The following ELFN2 variants were observed in gnomAD, a reference collection of about 807,000 sequenced individuals.
ELFN2 encodes the protein protein phosphatase 1 regulatory subunit 29.
Under a neutral mutation model 45.5 loss-of-function variants are expected in ELFN2, and 17 were observed. The observed-to-expected ratio is 0.37, with a 90% confidence interval of 0.26 to 0.56. The LOEUF is 0.56. Among genes scored for constraint, ELFN2 ranks in the 20% least tolerant of loss-of-function variants. The pLI, the probability that ELFN2 is intolerant of heterozygous loss-of-function variation, is 0.77. For missense variants in ELFN2, 922 were observed against 1,183.2 expected, an observed-to-expected ratio of 0.78 and a Z score of 3.24; for synonymous variants, 550 against 551.5, an observed-to-expected ratio of 1.00 and a Z score of 0.04.
Position 37,372,926 on chromosome 22 carries a change from G to T in ELFN2, c.*146C>A. 1.3e-6 allele frequency: 1 copy of T among 793,420 alleles called. No homozygotes were observed. The highest frequency in any genetic ancestry group is 1.9e-6 in the Non-Finnish European group (1 of 513,978). 49.1% of individuals were successfully genotyped at this position (793,420 alleles called of 1,614,324 possible). On this transcript the variant is annotated 3_prime_UTR_variant, in exon 3 of 3. Transcript: ENST00000402918. This position sits in a 1 kb window ranked among gnomAD's most constrained non-coding sequence, Gnocchi z 4.4. Reference sequence around the variant, plus strand: ...ACAGTCGGGTGGTGGTCAGGTGTGTGTGTGCGTGCGTGCGTGCGGGTCTGC... The same window carrying T: ...ACAGTCGGGTGGTGGTCAGGTGTGTTTGTGCGTGCGTGCGTGCGGGTCTGC...
At chr22:37,422,032 T>C (rs1356238376) in intron 1 of ELFN2, among the ~76,000 whole-genome samples, 1 of 152,224 alleles carries the variant, frequency 6.6e-6, no homozygotes, top group Admixed American at 6.5e-5. Flanking sequence ...GCCTTGGGAT[T>C]CATTCCCTAC....
chr22:37,357,073 T>C (rs777840762), intron 1 of ELFN2, among the ~76,000 whole-genome samples: 2 of 152,164 alleles, frequency 1.3e-5, no homozygotes, highest in Non-Finnish European at 2.9e-5. Context: ...AGACCCCTCC[T>C]CTTGTTACTT....
rs1932385831 is a variant in ELFN2 at position 37,402,401 on chromosome 22, C to T, written c.-463+15368G>A. Among the ~76,000 whole-genome samples the T allele has an allele frequency of 3.3e-5, 5 of 152,164 alleles. No individual in the cohort carries two copies. The South Asian group carries it at 1.0e-3, about 32-fold the overall frequency. On this transcript the variant is annotated intron_variant, in intron 2 of 2. Coordinates refer to ENST00000402918, the MANE Select transcript of ELFN2 (RefSeq NM_052906.5). ...GGAGTTTGCCACAGGCCCACCACAC[C>T]CTATTGCCCTACACAGACCAGACGT... is the stretch of plus-strand genomic sequence containing the variant.
chr22:37,385,502 C>G (rs558407953), intron 2 of ELFN2, among the ~76,000 whole-genome samples: 1 of 152,234 alleles, frequency 6.6e-6, no homozygotes, highest in Non-Finnish European at 1.5e-5. Flanking sequence ...CAGGGAAGAT[C>G]TGGCTTCCCT....
chr22:37,346,854 T>C (rs1930709209), intron 1 of ELFN2, among the ~76,000 whole-genome samples: 1 of 152,020 alleles, frequency 6.6e-6, no homozygotes, highest in African/African-American at 2.4e-5. Flanking sequence ...ACACCGTGGA[T>C]GCCACCAGCC....
chr22:37,347,641 A>AAC (rs55967141), intron 1 of ELFN2, among the ~76,000 whole-genome samples: 3,964 of 146,618 alleles, frequency 0.027, 89 homozygotes, highest in Admixed American at 0.054. Flanking sequence ...TGGGTGGCAG[A>AAC]ACACACACAC....
At chr22:37,363,969 C>T (rs1931147005), downstream of ELFN2, among the ~76,000 whole-genome samples, 1 of 152,144 alleles carries the variant, frequency 6.6e-6, no homozygotes, top group Admixed American at 6.5e-5. Flanking sequence ...GGGAAGGAGG[C>T]TCATGGGGCC....
chr22:37,407,873 G>A (rs570155935), intron 2 of ELFN2, among the ~76,000 whole-genome samples: 1 of 151,924 alleles, frequency 6.6e-6, no homozygotes, highest in East Asian at 1.9e-4. Context: ...CCAGCCTGGG[G>A]GACAGAGCAA....
Position 37,349,858 on chromosome 22 carries a change from G to A in ELFN2, n.149-7155C>T, listed in dbSNP as rs542984270. Among the ~76,000 whole-genome samples the A allele has an allele frequency of 4.0e-5, 6 of 151,334 alleles. No individual in the cohort carries two copies. The East Asian group carries it at 5.8e-4, about 15-fold the overall frequency. ...GTGTCAGAGAGAGCAACATTGAAAG[G>A]AGATTCCAGCCAACCCCTGGGCACA... On this transcript the variant is annotated intron_variant and non_coding_transcript_variant, in intron 1 of 2. Coordinates refer to ENST00000452946, the Ensembl canonical transcript of ELFN2.
At chr22:37,410,341 A>G (rs1483740860) in intron 2 of ELFN2, among the ~76,000 whole-genome samples, 1 of 152,192 alleles carries the variant, frequency 6.6e-6, no homozygotes, top group East Asian at 1.9e-4. Context: ...AAAGCCGGCA[A>G]GTCTCCACCC....
At chr22:37,378,310 T>G (rs1383225302) in intron 2 of ELFN2, among the ~76,000 whole-genome samples, 2 of 152,212 alleles carry the variant, frequency 1.3e-5, no homozygotes, top group Admixed American at 1.3e-4. Flanking sequence ...GTTCTGTGTG[T>G]TCTACACGTG....
chr22:37,407,261 G>A (rs2145677982), intron 2 of ELFN2, among the ~76,000 whole-genome samples: 1 of 152,184 alleles, frequency 6.6e-6, no homozygotes, highest in East Asian at 1.9e-4. Context: ...CTGAAATTCA[G>A]GCTATACCAC....
intron 1 of ELFN2, among the ~76,000 whole-genome samples, chr22:37,425,044 G>A (rs937526669): frequency 2.6e-5 from 4 of 152,096 alleles, no homozygotes; most frequent in African/African-American, 7.2e-5. Context: ...GAGGCGACGC[G>A]AATGCTTAAA....
At chr22:37,377,330 C>T (rs747816582) in intron 2 of ELFN2, among the ~76,000 whole-genome samples, 1 of 152,212 alleles carries the variant, frequency 6.6e-6, no homozygotes, top group African/African-American at 2.4e-5. Flanking sequence ...GCCCAGTTCT[C>T]CCTCCCTCTG....
chr22:37,369,307 T>TC lies in ELFN2; in HGVS notation c.*3764dup, dbSNP rs1358111637. On this transcript the variant is annotated 3_prime_UTR_variant, in exon 3 of 3. Transcript: ENST00000402918. Reference sequence around the variant, plus strand: ...CCCCACTGCTGCTGCCCCAGCTGCCTCCCGGGGACGATCCAGGCCTGGCCT... The same window carrying TC: ...CCCCACTGCTGCTGCCCCAGCTGCCTCCCCGGGGACGATCCAGGCCTGGCCT... 8 of 152,136 alleles carry TC rather than the reference T, an allele frequency of 5.3e-5. No homozygotes were observed. The highest frequency in any genetic ancestry group is 4.6e-4 in the Admixed American group (7 of 15,280). The allele number at this position is 152,136 out of a possible 1,614,324, so 9.4% of individuals were successfully genotyped here.
intron 1 of ELFN2, among the ~76,000 whole-genome samples, chr22:37,424,759 C>G (rs1476943718): frequency 6.6e-6 from 1 of 152,128 alleles, no homozygotes; most frequent in Non-Finnish European, 1.5e-5. Context: ...CAAATATCCA[C>G]ATAATAGTGG....
In ELFN2 at chr22:37,374,025, C is replaced by T; in HGVS notation, c.1510G>A (p.Glu504Lys). 1 of 1,613,218 alleles carries T rather than the reference C, an allele frequency of 6.2e-7. No individual in the cohort carries two copies. Among genetic ancestry groups the T allele is most frequent in the Non-Finnish European group, 8.5e-7 (1 of 1,180,012 alleles). The change falls in exon 3 of 3, where the codon GAG becomes AAG. Residue 504 changes from glutamate to lysine, a missense_variant. Transcript: ENST00000402918. ...PKVATKGNYI[E>K]VRTGAGGDGL... Reference sequence around the variant, plus strand: ...TCCCCGCCGGCGCCTGTGCGCACCTCGATATAGTTGCCTTTGGTGGCTACC... The same window carrying T: ...TCCCCGCCGGCGCCTGTGCGCACCTTGATATAGTTGCCTTTGGTGGCTACC...
chr22:37,344,907 G>T (rs1021398926), intron 1 of ELFN2, among the ~76,000 whole-genome samples: 4 of 152,092 alleles, frequency 2.6e-5, no homozygotes, highest in African/African-American at 9.7e-5. Flanking sequence ...CCGCCTCCAT[G>T]CCCAGAGCAC....
intron 2 of ELFN2, among the ~76,000 whole-genome samples, chr22:37,406,914 A>C (rs1366965919): frequency 1.3e-5 from 2 of 152,198 alleles, no homozygotes; most frequent in African/African-American, 4.8e-5. Context: ...ACCCGTGGTC[A>C]CCTGGACAGC....
Sources: gnomAD v4.1 joint callset for allele counts (sites outside exome capture counted in the v4.1 genomes callset) on GRCh38, gnomAD v4.1.1 for gene constraint, Gnocchi (gnomAD v3.1) non-coding constraint, MANE v1.5 for transcripts, NCBI Gene and HGNC (gene_info 2026-07-23, HGNC 2026-07-21) for gene names.